The following DST variants were observed in gnomAD, a reference collection of about 807,000 sequenced individuals.
The protein encoded by DST is dystonin.
In DST, 253 loss-of-function variants were observed where a neutral mutation model predicts 875.2. The observed-to-expected ratio is 0.29, with a 90% CI of 0.26 to 0.32. The LOEUF is 0.32. DST is among the 10% of genes least tolerant of loss of function. DST has a pLI of 1.00. For synonymous variants in DST, 3,124 were observed against 3,197.1 expected (o/e 0.98, Z 0.77); for missense variants, 8,287 against 9,111.6 (o/e 0.91, Z 3.68).
intron 4 of DST, among the ~76,000 whole-genome samples, chr6:56,768,168 C>T (rs2099639142): frequency 1.3e-5 from 2 of 152,128 alleles, no homozygotes; most frequent in South Asian, 4.1e-4. Context: ...GAAAAAGTTT[C>T]TCAACACAGA....
Position 56,501,657 on chromosome 6 carries a change from T to C in DST, c.19603A>G (p.Met6535Val), listed in dbSNP as rs1483824404. 6.2e-6 allele frequency: 10 copies of C among 1,607,674 alleles called. No individual in the cohort carries two copies. The highest frequency in any genetic ancestry group is 5.9e-6 in the Non-Finnish European group (7 of 1,177,572). ...KSEAYQQQIEMERLNHQAELL... is the reference protein window; with the variant it reads ...KSEAYQQQIEVERLNHQAELL... ...TCTGCTTGATGATTCAGTCTTTCCA[T>C]TTCTATCTGCTGTTGATAGGCCTCA... is the stretch of plus-strand genomic sequence containing the variant. Residue 6535 changes from methionine (M) to valine (V), a missense_variant, in exon 79 of 104, where the codon ATG becomes GTG. Physicochemically the swap from Met to Val is conservative, Grantham distance 21 (BLOSUM62 1). Around this residue, in one of 10 missense-constraint regions of DST, gnomAD observed 1,292 missense variants for 1,552.7 expected, o/e 0.83. Coordinates refer to ENST00000680361, the MANE Select transcript of DST (RefSeq NM_001374736.1).
chr6:56,805,474 C>G (rs2099751998), intron 4 of DST, among the ~76,000 whole-genome samples: 1 of 151,916 alleles, frequency 6.6e-6, no homozygotes, highest in Admixed American at 6.6e-5. Flanking sequence ...CGAACAGATT[C>G]ACATTAAAAA....
intron 51 of DST, among the ~76,000 whole-genome samples, chr6:56,573,332 G>T (rs1020970122): frequency 1.3e-5 from 2 of 152,208 alleles, no homozygotes; most frequent in East Asian, 3.8e-4. Flanking sequence ...AATGGAGCCT[G>T]GGGATTAGCC....
chr6:56,753,913 T>C (rs543472194), intron 4 of DST, among the ~76,000 whole-genome samples: 15 of 152,316 alleles, frequency 9.8e-5, no homozygotes, highest in African/African-American at 3.1e-4. Flanking sequence ...ACACAACTGA[T>C]TGTCCAGTTA....
intron 4 of DST, among the ~76,000 whole-genome samples, chr6:56,781,302 C>T (rs1356383262): frequency 3.0e-4 from 45 of 152,178 alleles, no homozygotes; most frequent in Non-Finnish European, 5.9e-4. Flanking sequence ...AATCTATAAA[C>T]TACCTTGGGC....
chr6:56,603,821 G>A lies in DST; in HGVS notation c.10791+16C>T. On this transcript the variant is annotated intron_variant, in intron 40 of 103. Coordinates refer to ENST00000680361, the MANE Select transcript of DST (RefSeq NM_001374736.1). ...TCATGCAGCTTTTTCTGTATAAAAT[G>A]TATAGGTCAACTTACTTGTTCGGTT... is the stretch of plus-strand genomic sequence containing the variant. The A allele has an allele frequency of 1.2e-6, 2 of 1,601,300 alleles. No homozygotes were observed. Among genetic ancestry groups the A allele is most frequent in the South Asian group, 1.1e-5 (1 of 89,618 alleles).
intron 86 of DST, 28 bp from the exon 87 acceptor site, chr6:56,487,301 A>C (rs1395364983): frequency 6.6e-7 from 1 of 1,519,680 alleles, no homozygotes; most frequent in South Asian, 1.4e-5. Flanking sequence ...AAAAAATGCG[A>C]ATTTCTTCTT....
chr6:56,665,774 A>C (rs780363069), intron 10 of DST, among the ~76,000 whole-genome samples: 17 of 152,160 alleles, frequency 1.1e-4, no homozygotes, highest in Non-Finnish European at 2.5e-4. Context: ...GTTGTACCCT[A>C]AACCTCAGCA....
chr6:56,575,708 T>C (rs2097853117), intron 50 of DST, among the ~76,000 whole-genome samples: 2 of 152,286 alleles, frequency 1.3e-5, no homozygotes, highest in South Asian at 4.1e-4. Context: ...CCATAGCTCT[T>C]GACATAGAGT....
At chr6:56,781,289 T>C (rs554552748) in intron 4 of DST, among the ~76,000 whole-genome samples, 9 of 152,348 alleles carry the variant, frequency 5.9e-5, no homozygotes, top group East Asian at 3.9e-4. Context: ...GGGGATGGCA[T>C]TGAATCTATA....
At position 56,604,345 on chromosome 6, in the gene DST, G is replaced by C; in HGVS notation, c.10283C>G (p.Pro3428Arg). 6.2e-7 allele frequency: 1 copy of C among 1,612,362 alleles called. No homozygotes were observed. Among genetic ancestry groups the C allele is most frequent in the Non-Finnish European group, 8.5e-7 (1 of 1,179,098 alleles). ...SPMTNSSELK[P>R]ESRDDPFCIG... The stretch of plus-strand genomic sequence containing the variant: ...ACAGAAAGGATCATCTCTACTTTCT[G>C]GCTTTAGTTCTGATGAGTTAGTCAT... The change falls in exon 40 of 104, where the codon CCA becomes CGA. Residue 3428 changes from proline to arginine, a missense_variant. Coordinates refer to ENST00000680361, the MANE Select transcript of DST (RefSeq NM_001374736.1).
chr6:56,509,753 T>C lies in DST; in HGVS notation c.18901A>G (p.Asn6301Asp), dbSNP rs760583853. ...AGCTTTTCCATGTCTACTGACACAT[T>C]CTTATTTTCACTGATCTGTTCCTTG... ...KIKEQISENK[N>D]VSVDMEKLQP... The change falls in exon 74 of 104, where the codon AAT (asparagine) becomes GAT (aspartate). Residue 6301 changes from asparagine (N) to aspartate (D), a missense_variant. This residue lies in a region of DST where 1,292 missense variants were observed against 1,552.7 expected (regional missense o/e 0.83). Coordinates refer to ENST00000680361, the MANE Select transcript of DST (RefSeq NM_001374736.1). The C allele has an allele frequency of 1.2e-6, 2 of 1,613,694 alleles. No individual in the cohort carries two copies. The highest frequency in any genetic ancestry group is 3.3e-5 in the Admixed American group (2 of 59,978).
intron 2 of DST, among the ~76,000 whole-genome samples, chr6:56,945,421 T>C (rs1441112680): frequency 2.0e-5 from 3 of 152,174 alleles, no homozygotes; most frequent in Non-Finnish European, 4.4e-5. Flanking sequence ...TTTGAAAAAC[T>C]GCAGGGGTTT....
At chr6:56,764,132 G>A (rs200039537) in intron 4 of DST, among the ~76,000 whole-genome samples, 4 of 75,174 alleles carry the variant, frequency 5.3e-5, no homozygotes, top group Middle Eastern at 6.0e-3. Context: ...CACACACACA[G>A]CCTCAGATGC....
At chr6:56,595,590 C>T (rs1471463236) in intron 47 of DST, among the ~76,000 whole-genome samples, 1 of 152,122 alleles carries the variant, frequency 6.6e-6, no homozygotes, top group African/African-American at 2.4e-5. Context: ...TCCTTAGAAG[C>T]ACTGCTATGG....
In DST at chr6:56,615,535, G is replaced by T. The variant is rs1187500129; in HGVS notation, c.4930-1051C>A. 6.2e-7 allele frequency: 1 copy of T among 1,614,014 alleles called. No homozygotes were observed. On this transcript the variant is annotated intron_variant, in intron 36 of 103. Transcript: ENST00000680361. Reference sequence around the variant, plus strand: ...TGTCCCATTAGGAAGAATAGTAGAGGCTAGAAATTCCTGTCATCAGGGGCT... The same window carrying T: ...TGTCCCATTAGGAAGAATAGTAGAGTCTAGAAATTCCTGTCATCAGGGGCT...
chr6:56,820,997 T>G (rs1433996498), intron 4 of DST, among the ~76,000 whole-genome samples: 2 of 152,052 alleles, frequency 1.3e-5, no homozygotes, highest in Admixed American at 6.5e-5. Flanking sequence ...CCCAACAGAT[T>G]CAGTATTCTT....
At chr6:56,670,611 G>A (rs2099096606) in intron 10 of DST, 30 bp downstream of exon 10, 2 of 1,411,710 alleles carry the variant, frequency 1.4e-6, no homozygotes, top group East Asian at 2.6e-5. Flanking sequence ...TCTTACAGTT[G>A]TATAAGGAAA....
chr6:56,543,373 G>C lies in DST; in HGVS notation c.16609-6433C>G, dbSNP rs149325671. On this transcript the variant is annotated intron_variant, in intron 61 of 103. Transcript: ENST00000680361. ...AGAGTAAAGTATTCCTACCAGTGAG[G>C]GGCTCTCAGCACTGCTGACATGAAT... Among the ~76,000 whole-genome samples, 1,506 of 152,192 alleles carry C rather than the reference G, an allele frequency of 9.9e-3. 24 individuals carry two copies. Among genetic ancestry groups the C allele is most frequent in the Admixed American group, 0.024 (361 of 15,294 alleles).
Sources: allele counts gnomAD v4.1 joint callset (sites outside exome capture counted in the v4.1 genomes callset), GRCh38; gene constraint gnomAD v4.1.1; regional missense constraint gnomAD v4.1.1; transcripts MANE v1.5; gene names NCBI Gene and HGNC (gene_info 2026-07-23, HGNC 2026-07-21).